The following PRKN variants were observed in gnomAD, a reference collection of about 807,000 sequenced individuals.
PRKN encodes parkin RBR E3 ubiquitin protein ligase, also known as E3 ubiquitin-protein ligase parkin.
A neutral mutation model predicts 59.5 loss-of-function variants in PRKN; 56 were observed. The observed-to-expected ratio is 0.94, with a 90% confidence interval of 0.76 to 1.18. The LOEUF is 1.18. Ranked by LOEUF, PRKN falls within the 50% of genes most tolerant of loss-of-function variation. PRKN has a pLI of 0.00. For missense variants in PRKN, 657 were observed against 596.4 expected (o/e 1.10, Z -1.06); for synonymous variants, 250 against 222.1 (o/e 1.13, Z -1.12).
At chr6:161,496,212 G>T (rs951253040) in intron 9 of PRKN, among the ~76,000 whole-genome samples, 1 of 152,226 alleles carries the variant, frequency 6.6e-6, no homozygotes, top group Non-Finnish European at 1.5e-5. Flanking sequence ...GTGCACACAG[G>T]CAAGGCTAGC....
rs1785801141 is a variant in PRKN, at chr6:161,378,090, C to G, written c.1167+8704G>C. On this transcript the variant is annotated intron_variant, in intron 10 of 11. Coordinates refer to ENST00000366898, the MANE Select transcript of PRKN (RefSeq NM_004562.3). The surrounding 1 kb of genome is among the most constrained non-coding windows in gnomAD (Gnocchi z 7.3). ...TTGGCAGCCTCTTTAAGGGCAGGGACAGAGAAAATCTGGAAGACTGAGGAC... is the reference window on the plus strand; with the variant it reads ...TTGGCAGCCTCTTTAAGGGCAGGGAGAGAGAAAATCTGGAAGACTGAGGAC... Among the ~76,000 whole-genome samples, 1 of 152,152 alleles carries G rather than the reference C, an allele frequency of 6.6e-6. No individual in the cohort carries two copies. Among genetic ancestry groups the G allele is most frequent in the African/African-American group, 2.4e-5 (1 of 41,418 alleles).
intron 4 of PRKN, among the ~76,000 whole-genome samples, chr6:162,188,183 C>A (rs950788932): frequency 6.6e-6 from 1 of 152,174 alleles, no homozygotes; most frequent in Non-Finnish European, 1.5e-5. Context: ...AACTGTAAAT[C>A]CAATAAACCT....
Position 161,825,484 on chromosome 6 carries a change from A to C in PRKN, c.735-39576T>G, listed in dbSNP as rs73785422. On this transcript the variant is annotated intron_variant, in intron 6 of 11. Transcript: ENST00000366898. The stretch of plus-strand genomic sequence containing the variant: ...AAAATCCTTCTGGTCTGGGCTGCTC[A>C]TGGCCATGTCCCTTTCCAGGAAGTG... 3.7e-3 allele frequency among the ~76,000 whole-genome samples: 560 copies of C among 152,248 alleles called. 4 individuals are homozygous for C. Among genetic ancestry groups the C allele is most frequent in the African/African-American group, 0.013 (535 of 41,556 alleles).
rs114702592 is a variant in PRKN, at chr6:162,132,985, C to G, written c.534+68146G>C. Among the ~76,000 whole-genome samples, 684 of 152,274 alleles carry G rather than the reference C, an allele frequency of 4.5e-3. 6 individuals carry two copies. The highest frequency in any genetic ancestry group is 0.016 in the African/African-American group (646 of 41,544). On this transcript the variant is annotated intron_variant, in intron 4 of 11. Coordinates refer to ENST00000366898, the MANE Select transcript of PRKN (RefSeq NM_004562.3). ...AGCTCATTTGGCCACAGCACCGTGGCCATTGTCGGGGCAGCAGAACATGTG... is the reference window on the plus strand; with the variant it reads ...AGCTCATTTGGCCACAGCACCGTGGGCATTGTCGGGGCAGCAGAACATGTG...
intron 7 of PRKN, among the ~76,000 whole-genome samples, chr6:161,574,216 T>A (rs1324485336): frequency 6.6e-6 from 1 of 152,004 alleles, no homozygotes; most frequent in African/African-American, 2.4e-5. Context: ...AGTGTGAAGA[T>A]GGGGCTTAAA....
intron 2 of PRKN, among the ~76,000 whole-genome samples, chr6:162,359,897 T>A (rs1785061098): frequency 6.6e-6 from 1 of 152,190 alleles, no homozygotes. Flanking sequence ...AAATATGCCA[T>A]ACAACACATT....
chr6:161,690,083 A>G (rs553817894), intron 7 of PRKN, among the ~76,000 whole-genome samples: 2 of 152,312 alleles, frequency 1.3e-5, no homozygotes, highest in African/African-American at 2.4e-5. Context: ...TGGAAATTCC[A>G]TGCTCTAACT....
At chr6:161,909,724 G>A (rs570937468) in intron 6 of PRKN, among the ~76,000 whole-genome samples, 1 of 152,262 alleles carries the variant, frequency 6.6e-6, no homozygotes, top group Admixed American at 6.5e-5. Context: ...CCTGGTCAGA[G>A]GTGCTCTTGA....
chr6:162,301,239 C>T (rs548648212), intron 2 of PRKN, among the ~76,000 whole-genome samples: 13 of 152,194 alleles, frequency 8.5e-5, no homozygotes, highest in South Asian at 8.3e-4. Flanking sequence ...AGTAAAGTAG[C>T]GCGTCCATGG....
In PRKN at chr6:161,548,766, A is replaced by G. The variant is rs575638693; in HGVS notation, c.1083+88T>C. On this transcript the variant is annotated intron_variant, in intron 9 of 11. Coordinates refer to ENST00000366898, the MANE Select transcript of PRKN (RefSeq NM_004562.3). The surrounding 1 kb of genome is among the most constrained non-coding windows in gnomAD (Gnocchi z 4.2). ...GATGTCTAAGTCCAAAGGGAAAATGAAAATAAAATAAAAATATAATCCCAG... is the reference window on the plus strand; with the variant it reads ...GATGTCTAAGTCCAAAGGGAAAATGGAAATAAAATAAAAATATAATCCCAG... 1 of 1,242,506 alleles carries G rather than the reference A, an allele frequency of 8.0e-7. No individual in the cohort carries two copies. Among genetic ancestry groups the G allele is most frequent in the Non-Finnish European group, 1.2e-6 (1 of 866,954 alleles). The allele number at this position is 1,242,506 out of a possible 1,614,324, so 77.0% of individuals were successfully genotyped here.
rs369136348 is a variant in PRKN at position 161,516,826 on chromosome 6, CAAAAA to C, written c.1083+32023_1083+32027del. Among the ~76,000 whole-genome samples, 8 of 63,218 alleles carry C rather than the reference CAAAAA, an allele frequency of 1.3e-4. 1 individual carries two copies. In the South Asian group the frequency reaches 5.6e-3, roughly 44 times the overall value. The allele number at this position is 63,218 out of a possible 152,430, so 41.5% of individuals were successfully genotyped here. Reference sequence around the variant, plus strand: ...TGGGTGACAGAGCAAGACTCAATCTCAAAAAAAAAAAAAAAAAAAAAGAAAGAAAA... The same window carrying C: ...TGGGTGACAGAGCAAGACTCAATCTCAAAAAAAAAAAAAAAAGAAAGAAAA... On this transcript the variant is annotated intron_variant, in intron 9 of 11. Transcript: ENST00000366898.
At chr6:162,315,299 A>G (rs753927365) in intron 2 of PRKN, among the ~76,000 whole-genome samples, 3 of 152,194 alleles carry the variant, frequency 2.0e-5, no homozygotes, top group Non-Finnish European at 4.4e-5. Context: ...GAAGTGGCTT[A>G]ATTTGGCAAG....
chr6:162,423,094 C>T (rs1254492755), intron 2 of PRKN, among the ~76,000 whole-genome samples: 1 of 151,322 alleles, frequency 6.6e-6, no homozygotes, highest in Non-Finnish European at 1.5e-5. Context: ...TTGGAATAGA[C>T]AATCATTTCC....
chr6:162,624,760 C>T (rs1047550967), intron 1 of PRKN, among the ~76,000 whole-genome samples: 1 of 152,092 alleles, frequency 6.6e-6, no homozygotes, highest in East Asian at 1.9e-4. Context: ...GCCTCAAGGG[C>T]TCCTCCTGCC....
rs1272815721 is a variant in PRKN, at chr6:161,473,303, T to C, written c.1083+75551A>G. On this transcript the variant is annotated intron_variant, in intron 9 of 11. Coordinates refer to ENST00000366898, the MANE Select transcript of PRKN (RefSeq NM_004562.3). The surrounding 1 kb of genome is among the most constrained non-coding windows in gnomAD (Gnocchi z 4.1). ...TTGTGGAATATATTATATACATATA[T>C]ATTAGGGAGAGGGGAGCATTATATA... is the stretch of plus-strand genomic sequence containing the variant. 6.6e-6 allele frequency among the ~76,000 whole-genome samples: 1 copy of C among 151,194 alleles called. No homozygotes were observed. The highest frequency in any genetic ancestry group is 1.5e-5 in the Non-Finnish European group (1 of 67,848).
chr6:162,569,141 G>T, intron 1 of PRKN: 1 of 627,808 alleles, frequency 1.6e-6, no homozygotes, highest in South Asian at 1.6e-5. Context: ...GCCGGGCTGA[G>T]GCTAAGAGCA....
At chr6:161,853,707 A>C (rs1316456106) in intron 6 of PRKN, among the ~76,000 whole-genome samples, 1 of 152,202 alleles carries the variant, frequency 6.6e-6, no homozygotes, top group African/African-American at 2.4e-5. Flanking sequence ...ACATCATTTC[A>C]TTATGCAGGA....
chr6:161,498,874 A>G lies in PRKN; in HGVS notation c.1083+49980T>C, dbSNP rs182921319. Reference sequence around the variant, plus strand: ...TTTTTCAAGTGAAATATGCTTTGGAACACCTATACATAATAAAAGCAGAGA... The same window carrying G: ...TTTTTCAAGTGAAATATGCTTTGGAGCACCTATACATAATAAAAGCAGAGA... On this transcript the variant is annotated intron_variant, in intron 9 of 11. Coordinates refer to ENST00000366898, the MANE Select transcript of PRKN (RefSeq NM_004562.3). The surrounding 1 kb of genome is among the most constrained non-coding windows in gnomAD (Gnocchi z 4.2). Among the ~76,000 whole-genome samples the G allele has an allele frequency of 1.3e-4, 20 of 152,314 alleles. No individual in the cohort carries two copies. Among genetic ancestry groups the G allele is most frequent in the African/African-American group, 4.1e-4 (17 of 41,576 alleles).
At chr6:161,426,602 C>T (rs1788368800) in intron 9 of PRKN, among the ~76,000 whole-genome samples, 1 of 147,704 alleles carries the variant, frequency 6.8e-6, no homozygotes, top group Non-Finnish European at 1.5e-5. Flanking sequence ...ATTGTGGGAC[C>T]TTGTGATCAT....
Sources: allele counts gnomAD v4.1 joint callset (sites outside exome capture counted in the v4.1 genomes callset), GRCh38; gene constraint gnomAD v4.1.1; non-coding constraint Gnocchi (gnomAD v3.1); transcripts MANE v1.5; gene names NCBI Gene and HGNC (gene_info 2026-07-23, HGNC 2026-07-21).